The following RFX4 variants were observed in gnomAD, a reference collection of about 807,000 sequenced individuals.
RFX4 encodes the protein transcription factor RFX4.
RFX4 carries 10 observed loss-of-function variants against 95.0 expected under a neutral mutation model. The ratio of observed to expected loss-of-function variants is 0.11; its 90% CI spans 0.06 to 0.18. The LOEUF (loss-of-function observed/expected upper bound fraction) is 0.18. RFX4 is among the 10% of genes least tolerant of loss of function. The pLI is 1.00. For synonymous variants in RFX4, 321 were observed against 340.7 expected, an observed-to-expected ratio of 0.94 and a Z score of 0.64; for missense variants, 640 against 922.0, an observed-to-expected ratio of 0.69 and a Z score of 3.96.
intron 13 of RFX4, 95 bp from the exon 14 acceptor site, chr12:106,732,035 T>G: frequency 1.3e-6 from 2 of 1,531,618 alleles, no homozygotes; most frequent in Admixed American, 1.8e-5. Flanking sequence ...GAGCAGAGCA[T>G]TTAGAACACT....
chr12:106,637,220 G>A (rs766353370), intron 2 of RFX4, among the ~76,000 whole-genome samples: 16 of 152,146 alleles, frequency 1.1e-4, no homozygotes, highest in South Asian at 4.1e-4. Flanking sequence ...CTAAACTGGC[G>A]TTCTACAAAT....
chr12:106,707,949 A>G, intron 8 of RFX4, among the ~76,000 whole-genome samples: 1 of 152,218 alleles, frequency 6.6e-6, no homozygotes, highest in East Asian at 1.9e-4. Flanking sequence ...CCTGGCCAAC[A>G]TGGCGAAAGC....
In RFX4 at chr12:106,583,216, C is replaced by T. The variant is rs1306890670; in HGVS notation, c.-105C>T. On this transcript the variant is annotated 5_prime_UTR_variant, in exon 1 of 18. Transcript: ENST00000392842. ...CCTCACTTTCTGCGTCTCTCTCTCT[C>T]CCCTTCTCCCTCCCTCCCTCCCTTC... 3.0e-6 allele frequency: 3 copies of T among 985,044 alleles called. No homozygotes were observed. The highest frequency in any genetic ancestry group is 2.8e-5 in the Admixed American group (1 of 35,532). 61.0% of individuals were successfully genotyped at this position (985,044 alleles called of 1,614,324 possible).
rs550367899 is a variant in RFX4 at position 106,753,087 on chromosome 12, A to G, written c.1935+2294A>G. ...AGAGGAGGCTTTCGGAAAAAAACCC[A>G]ACTGACCGTGACACTTTCCCTGTCT... On this transcript the variant is annotated intron_variant, in intron 17 of 17. Coordinates refer to ENST00000392842, the MANE Select transcript of RFX4 (RefSeq NM_213594.3). Among the ~76,000 whole-genome samples the G allele has an allele frequency of 7.2e-5, 11 of 152,088 alleles. No individual in the cohort carries two copies. The East Asian group carries it at 2.1e-3, about 29-fold the overall frequency.
chr12:106,737,268 A>G (rs2042729081), intron 15 of RFX4, among the ~76,000 whole-genome samples: 1 of 133,714 alleles, frequency 7.5e-6, no homozygotes, highest in Non-Finnish European at 1.5e-5. Flanking sequence ...TCACCTATCT[A>G]TCCATTTCTC....
intron 17 of RFX4, among the ~76,000 whole-genome samples, chr12:106,760,257 G>A (rs1164242810): frequency 6.6e-6 from 1 of 152,174 alleles, no homozygotes; most frequent in African/African-American, 2.4e-5. Flanking sequence ...TGTGCTGACT[G>A]GCCTGCAGAC....
At chr12:106,704,613 C>T (rs1214520287) in intron 8 of RFX4, among the ~76,000 whole-genome samples, 1 of 152,160 alleles carries the variant, frequency 6.6e-6, no homozygotes, top group East Asian at 1.9e-4. Context: ...CCCATCCCTT[C>T]CTTTCCAACT....
chr12:106,586,553 C>G lies in RFX4; in HGVS notation c.43+3190C>G, dbSNP rs2039461045. Among the ~76,000 whole-genome samples, 1 of 151,766 alleles carries G rather than the reference C, an allele frequency of 6.6e-6. No homozygotes were observed. The highest frequency in any genetic ancestry group is 1.9e-4 in the East Asian group (1 of 5,168). ...AAACGGGATGGCGCGTTAGAGAGGG[C>G]CACTGCCAAGCTGGAGCTGGAAACT... is the stretch of plus-strand genomic sequence containing the variant. On this transcript the variant is annotated intron_variant, in intron 1 of 17. Transcript: ENST00000392842. The surrounding 1 kb of genome is among the most constrained non-coding windows in gnomAD (Gnocchi z 5.6).
At chr12:106,632,240 C>T (rs189952441) in intron 2 of RFX4, among the ~76,000 whole-genome samples, 79 of 152,114 alleles carry the variant, frequency 5.2e-4, no homozygotes, top group African/African-American at 1.8e-3. Flanking sequence ...GGGAGCAGAA[C>T]GGAGTGGCAA....
intron 7 of RFX4, among the ~76,000 whole-genome samples, chr12:106,693,685 G>A (rs1332349680): frequency 6.6e-6 from 1 of 152,110 alleles, no homozygotes; most frequent in South Asian, 2.1e-4. Context: ...TCCAGGCTCA[G>A]GCCACGCTAA....
chr12:106,631,732 A>G (rs12317684), intron 2 of RFX4, among the ~76,000 whole-genome samples: 243 of 152,170 alleles, frequency 1.6e-3, no homozygotes, highest in African/African-American at 5.6e-3. Context: ...GTGTCTAAAA[A>G]CCACCCAGTC....
intron 4 of RFX4, among the ~76,000 whole-genome samples, chr12:106,672,095 G>A (rs1171524726): frequency 6.6e-6 from 1 of 152,040 alleles, no homozygotes; most frequent in Non-Finnish European, 1.5e-5. Flanking sequence ...AAATTAGGAG[G>A]GCAATTGTTT....
chr12:106,745,790 AG>A (rs1436766447), intron 15 of RFX4, among the ~76,000 whole-genome samples: 1 of 152,204 alleles, frequency 6.6e-6, no homozygotes, highest in African/African-American at 2.4e-5. Context: ...ATGTACCTAA[AG>A]GGGGATGTTG....
In RFX4 at chr12:106,747,492, G is replaced by A. The variant is rs1376374445; in HGVS notation, c.1689G>A (p.Gly563=). The stretch of plus-strand genomic sequence containing the variant: ...CATACACAGTGACGACGGCTGCTGG[G>A]TCCCCAGCTGAGAACTCCCAACAGC... The part of the protein sequence containing the change: ...SLTYTVTTAA[G]SPAENSQQLP... The change falls in exon 16 of 18, where the codon GGG becomes GGA. Residue 563 remains glycine, a synonymous_variant. Coordinates refer to ENST00000392842, the MANE Select transcript of RFX4 (RefSeq NM_213594.3). The A allele has an allele frequency of 6.2e-7, 1 of 1,614,154 alleles. No individual in the cohort carries two copies.
At chr12:106,674,949 GGA>G (rs1025493141) in intron 4 of RFX4, among the ~76,000 whole-genome samples, 1 of 152,174 alleles carries the variant, frequency 6.6e-6, no homozygotes, top group African/African-American at 2.4e-5. Context: ...CAGTTTGTGT[GGA>G]GTCTTACAGG....
At chr12:106,632,758 A>G (rs1267159644) in intron 2 of RFX4, among the ~76,000 whole-genome samples, 2 of 152,138 alleles carry the variant, frequency 1.3e-5, no homozygotes, top group Admixed American at 6.5e-5. Flanking sequence ...GGCTTAAGTG[A>G]TCCTCCCAGC....
chr12:106,597,481 T>C (rs1318448967), intron 1 of RFX4, among the ~76,000 whole-genome samples: 1 of 152,206 alleles, frequency 6.6e-6, no homozygotes, highest in East Asian at 1.9e-4. Context: ...CGCTAAGACA[T>C]ACAATGCTTA....
chr12:106,664,254 T>C (rs1459943888), intron 4 of RFX4, among the ~76,000 whole-genome samples: 2 of 151,940 alleles, frequency 1.3e-5, no homozygotes, highest in Admixed American at 6.5e-5. Context: ...AGACCTATTC[T>C]GTCTGTTTCT....
chr12:106,697,282 G>A (rs2041899005), intron 8 of RFX4, among the ~76,000 whole-genome samples: 1 of 152,062 alleles, frequency 6.6e-6, no homozygotes, highest in South Asian at 2.1e-4. Context: ...TTCCTGTTGG[G>A]ACTGTTACAA....
Sources: allele counts gnomAD v4.1 joint callset (sites outside exome capture counted in the v4.1 genomes callset), GRCh38; gene constraint gnomAD v4.1.1; non-coding constraint Gnocchi (gnomAD v3.1); transcripts MANE v1.5; gene names NCBI Gene and HGNC (gene_info 2026-07-23, HGNC 2026-07-21).